Variants in PRKN observed in about 807,000 individuals in gnomAD.
PRKN encodes the protein parkin RBR E3 ubiquitin protein ligase.
PRKN carries 56 observed loss-of-function variants against 59.5 expected under a neutral mutation model. The ratio of observed to expected loss-of-function variants is 0.94; its 90% CI spans 0.76 to 1.18. The LOEUF (loss-of-function observed/expected upper bound fraction) is 1.18, where lower values mean the gene tolerates loss of function less well. Among genes scored for constraint, PRKN ranks in the 50% most tolerant of loss-of-function variants. The pLI is 0.00. For synonymous variants in PRKN, 250 were observed against 222.1 expected (o/e 1.13, Z -1.12); for missense variants, 657 against 596.4 (o/e 1.10, Z -1.06).
At chr6:161,412,139 T>A (rs1787594943) in intron 9 of PRKN, among the ~76,000 whole-genome samples, 1 of 141,744 alleles carries the variant, frequency 7.1e-6, no homozygotes, top group Admixed American at 7.1e-5. Flanking sequence ...CTTCACTCAC[T>A]CATTCCTTCC....
At chr6:162,129,312 A>G (rs1781248713) in intron 4 of PRKN, among the ~76,000 whole-genome samples, 1 of 152,344 alleles carries the variant, frequency 6.6e-6, no homozygotes, top group African/African-American at 2.4e-5. Context: ...AGTAACATGA[A>G]TACAGCTTTA....
Position 162,552,212 on chromosome 6 carries a change from C to T in PRKN, c.8-108739G>A, listed in dbSNP as rs1176400409. ...GTGGCCATAGGTGTGAGTCGGACAG[C>T]AAAGACAGAGACCAGGCCAGTCATG... On this transcript the variant is annotated intron_variant, in intron 1 of 11. Coordinates refer to ENST00000366898, the MANE Select transcript of PRKN (RefSeq NM_004562.3). Among the ~76,000 whole-genome samples, 4 of 152,088 alleles carry T rather than the reference C, an allele frequency of 2.6e-5. No individual in the cohort carries two copies. In the East Asian group the frequency reaches 7.7e-4, roughly 29 times the overall value.
At chr6:162,381,459 G>A (rs1214933883) in intron 2 of PRKN, among the ~76,000 whole-genome samples, 1 of 152,092 alleles carries the variant, frequency 6.6e-6, no homozygotes, top group Non-Finnish European at 1.5e-5. Flanking sequence ...GCAATTTACA[G>A]CTACCTCCAA....
At chr6:162,687,550 T>C (rs1349524599) in intron 1 of PRKN, among the ~76,000 whole-genome samples, 1 of 152,136 alleles carries the variant, frequency 6.6e-6, no homozygotes, top group Non-Finnish European at 1.5e-5. Context: ...TTACTGCTCA[T>C]AAATGGCCAT....
At chr6:161,710,543 A>C (rs1178831305) in intron 7 of PRKN, among the ~76,000 whole-genome samples, 1 of 152,184 alleles carries the variant, frequency 6.6e-6, no homozygotes, top group Non-Finnish European at 1.5e-5. Context: ...GTGCATGTGT[A>C]TATGACTGCT....
chr6:162,109,039 C>T (rs565139737), intron 4 of PRKN, among the ~76,000 whole-genome samples: 3 of 152,262 alleles, frequency 2.0e-5, no homozygotes, highest in South Asian at 2.1e-4. Context: ...ATATTTATAC[C>T]CACTTTTAAT....
rs191040385 is a variant in PRKN, at chr6:161,504,583, T to C, written c.1083+44271A>G. ...TACATGTGCACAATGTGCAGGTTAG[T>C]TACATATGTATACATGTGACATGCT... On this transcript the variant is annotated intron_variant, in intron 9 of 11. Coordinates refer to ENST00000366898, the MANE Select transcript of PRKN (RefSeq NM_004562.3). Among the ~76,000 whole-genome samples the C allele has an allele frequency of 9.8e-3, 1,493 of 151,804 alleles. 19 individuals carry two copies. Among genetic ancestry groups the C allele is most frequent in the East Asian group, 0.027 (140 of 5,144 alleles).
chr6:161,544,924 A>G lies in PRKN; in HGVS notation c.1083+3930T>C, dbSNP rs1562516990. ...ACTAACTATAGCACCTATTTTACAG[A>G]AGCTGAACTAAAGACACAGAAGCCT... On this transcript the variant is annotated intron_variant, in intron 9 of 11. Coordinates refer to ENST00000366898, the MANE Select transcript of PRKN (RefSeq NM_004562.3). This position sits in a 1 kb window ranked among gnomAD's most constrained non-coding sequence, Gnocchi z 5.5. 6.6e-6 allele frequency among the ~76,000 whole-genome samples: 1 copy of G among 152,208 alleles called. No individual in the cohort carries two copies. The highest frequency in any genetic ancestry group is 1.5e-5 in the Non-Finnish European group (1 of 68,042).
intron 5 of PRKN, among the ~76,000 whole-genome samples, chr6:162,011,235 AAT>A (rs1175313274): frequency 1.2e-3 from 3 of 2,488 alleles, no homozygotes; most frequent in Non-Finnish European, 1.6e-3. Context: ...TATAATATAT[AAT>A]TTATAATATA....
chr6:161,598,675 C>T (rs1325389633), intron 7 of PRKN, among the ~76,000 whole-genome samples: 1 of 152,196 alleles, frequency 6.6e-6, no homozygotes, highest in East Asian at 1.9e-4. Context: ...TGTTTTTCTT[C>T]CTTCAAAGCA....
At chr6:162,206,782 T>C (rs1444529245) in intron 3 of PRKN, among the ~76,000 whole-genome samples, 1 of 152,112 alleles carries the variant, frequency 6.6e-6, no homozygotes, top group East Asian at 1.9e-4. Context: ...CTACTGTATT[T>C]CTGGGTGCTG....
chr6:161,695,762 G>C (rs1785993801), intron 7 of PRKN, among the ~76,000 whole-genome samples: 1 of 152,184 alleles, frequency 6.6e-6, no homozygotes, highest in South Asian at 2.1e-4. Flanking sequence ...CCCTGGAAGA[G>C]AAAGTTGGAA....
At chr6:162,366,030 C>A (rs775799850) in intron 2 of PRKN, among the ~76,000 whole-genome samples, 1 of 152,098 alleles carries the variant, frequency 6.6e-6, no homozygotes, top group Admixed American at 6.5e-5. Flanking sequence ...TTTGTACACA[C>A]AAAATATTGA....
At position 162,555,582 on chromosome 6, in the gene PRKN, G is replaced by C. The variant is rs1374583043; in HGVS notation, c.8-112109C>G. 2.6e-5 allele frequency among the ~76,000 whole-genome samples: 4 copies of C among 151,314 alleles called. No homozygotes were observed. In the East Asian group the frequency reaches 5.8e-4, roughly 22 times the overall value. On this transcript the variant is annotated intron_variant, in intron 1 of 11. Transcript: ENST00000366898. ...CCTCTTGGTTTTTAAATACACTCAA[G>C]ATATGTCATGTTTCAATAAATGATG... is the stretch of plus-strand genomic sequence containing the variant.
At chr6:162,394,698 A>G (rs1449176847) in intron 2 of PRKN, among the ~76,000 whole-genome samples, 1 of 152,172 alleles carries the variant, frequency 6.6e-6, no homozygotes, top group Non-Finnish European at 1.5e-5. Context: ...AAATGTATTA[A>G]TTTTGCTTTT....
chr6:162,321,305 A>G (rs779938197), intron 2 of PRKN, among the ~76,000 whole-genome samples: 1 of 151,910 alleles, frequency 6.6e-6, no homozygotes, highest in Non-Finnish European at 1.5e-5. Context: ...GGCTAAACAC[A>G]AGGACCTACT....
At position 162,250,339 on chromosome 6, in the gene PRKN, T is replaced by C. The variant is rs139346795; in HGVS notation, c.412+12186A>G. ...GTAGAGGCTGAGATACCTTGTACAT[T>C]TTTGTTTGGTAAAGATTTCCATCCA... On this transcript the variant is annotated intron_variant, in intron 3 of 11. Coordinates refer to ENST00000366898, the MANE Select transcript of PRKN (RefSeq NM_004562.3). Among the ~76,000 whole-genome samples, 149 of 152,246 alleles carry C rather than the reference T, an allele frequency of 9.8e-4. 3 individuals are homozygous for C. In the East Asian group the frequency reaches 0.022, roughly 23 times the overall value.
intron 9 of PRKN, among the ~76,000 whole-genome samples, chr6:161,509,605 C>T (rs921202749): frequency 1.4e-5 from 2 of 143,620 alleles, no homozygotes; most frequent in Non-Finnish European, 3.0e-5. Context: ...AAAGGCTGGG[C>T]ACGGTGGCTT....
At chr6:161,949,497 C>A (rs1382479077) in intron 6 of PRKN, among the ~76,000 whole-genome samples, 1 of 151,896 alleles carries the variant, frequency 6.6e-6, no homozygotes. Flanking sequence ...GGCAACAGAG[C>A]AAGACTCTGT....
Sources: gnomAD v4.1 joint callset for allele counts (sites outside exome capture counted in the v4.1 genomes callset) on GRCh38, gnomAD v4.1.1 for gene constraint, Gnocchi (gnomAD v3.1) non-coding constraint, MANE v1.5 for transcripts, NCBI Gene and HGNC (gene_info 2026-07-23, HGNC 2026-07-21) for gene names.